KCNK1: variants seen among roughly 807,000 people sequenced by gnomAD.
The protein encoded by KCNK1 is potassium two pore domain channel subfamily K member 1, also known as potassium channel subfamily K member 1.
Under a neutral mutation model 22.2 loss-of-function variants are expected in KCNK1, and 10 were observed. The ratio of observed to expected loss-of-function variants is 0.45; its 90% CI spans 0.28 to 0.76. KCNK1 has a LOEUF of 0.76. Ranked by LOEUF, KCNK1 falls within the 30% of genes least tolerant of loss-of-function variation. The pLI is 0.14. For synonymous variants in KCNK1, 200 were observed against 186.4 expected, an observed-to-expected ratio of 1.07 and a Z score of -0.60; for missense variants, 378 against 421.0, an observed-to-expected ratio of 0.90 and a Z score of 0.89.
At chr1:233,646,124 T>G (rs1658089636) in intron 1 of KCNK1, among the ~76,000 whole-genome samples, 1 of 152,154 alleles carries the variant, frequency 6.6e-6, no homozygotes, top group Non-Finnish European at 1.5e-5. Flanking sequence ...GATGCCTACG[T>G]CACATTCAAG....
At chr1:233,618,905 A>T (rs1223345862) in intron 1 of KCNK1, among the ~76,000 whole-genome samples, 3 of 152,194 alleles carry the variant, frequency 2.0e-5, no homozygotes, top group Admixed American at 2.0e-4. Context: ...AAACATAAAA[A>T]CAAAACAAAA....
At chr1:233,625,480 C>G (rs892095168) in intron 1 of KCNK1, among the ~76,000 whole-genome samples, 2 of 151,890 alleles carry the variant, frequency 1.3e-5, no homozygotes, top group African/African-American at 4.8e-5. Context: ...TTATGGCTAG[C>G]CTGGGGGAGG....
intron 1 of KCNK1, among the ~76,000 whole-genome samples, chr1:233,625,231 G>A (rs1266330165): frequency 2.0e-5 from 3 of 152,172 alleles, no homozygotes; most frequent in African/African-American, 4.8e-5. Context: ...GCCCAGCAAG[G>A]CCTGTCTGGA....
intron 1 of KCNK1, among the ~76,000 whole-genome samples, chr1:233,629,020 A>T (rs1477712681): frequency 6.6e-6 from 1 of 151,952 alleles, no homozygotes; most frequent in East Asian, 1.9e-4. Flanking sequence ...GCTAAGTAAG[A>T]CCCCCTTCTA....
At chr1:233,645,860 T>A (rs1483517887) in intron 1 of KCNK1, among the ~76,000 whole-genome samples, 3 of 152,178 alleles carry the variant, frequency 2.0e-5, no homozygotes, top group African/African-American at 7.2e-5. Flanking sequence ...ATTTAGAACA[T>A]TCTGAAAGTA....
At chr1:233,645,268 T>C (rs947377524) in intron 1 of KCNK1, among the ~76,000 whole-genome samples, 1 of 152,148 alleles carries the variant, frequency 6.6e-6, no homozygotes, top group Non-Finnish European at 1.5e-5. Context: ...ATGGGTTTAA[T>C]GGTGACTCTA....
chr1:233,665,632 G>A (rs1007293753), intron 1 of KCNK1, among the ~76,000 whole-genome samples: 13 of 146,160 alleles, frequency 8.9e-5, no homozygotes, highest in Non-Finnish European at 1.8e-4. Flanking sequence ...AGAATCCCCT[G>A]GTCGGGGCCA....
intron 1 of KCNK1, chr1:233,637,176 AC>A (rs1657913696): frequency 6.9e-6 from 1 of 144,802 alleles, no homozygotes; most frequent in African/African-American, 2.6e-5. Flanking sequence ...AGCCTGGGCG[AC>A]AGAGTGAGAC....
chr1:233,662,274 C>CTTCTT (rs1558119312), intron 1 of KCNK1, among the ~76,000 whole-genome samples: 2 of 94,352 alleles, frequency 2.1e-5, no homozygotes, highest in African/African-American at 7.2e-5. Flanking sequence ...TTCTTCTTCT[C>CTTCTT]CTCCTCCTCC....
At chr1:233,619,181 C>A (rs1344321659) in intron 1 of KCNK1, among the ~76,000 whole-genome samples, 1 of 151,974 alleles carries the variant, frequency 6.6e-6, no homozygotes, top group Admixed American at 6.5e-5. Context: ...CCGCACCTGG[C>A]CAATTTTTTT....
At chr1:233,666,058 A>G (rs1009330888) in intron 1 of KCNK1, among the ~76,000 whole-genome samples, 6 of 151,890 alleles carry the variant, frequency 4.0e-5, no homozygotes, top group African/African-American at 1.5e-4. Context: ...ATTCTACTCC[A>G]CCCTCTTACT....
At chr1:233,635,185 T>C (rs2102890975) in intron 1 of KCNK1, among the ~76,000 whole-genome samples, 1 of 152,352 alleles carries the variant, frequency 6.6e-6, no homozygotes, top group Admixed American at 6.5e-5. Flanking sequence ...AAAATTATCA[T>C]CTTTTTTATA....
At position 233,614,508 on chromosome 1, in the gene KCNK1, A is replaced by G; in HGVS notation, c.337A>G (p.Thr113Ala). The G allele has an allele frequency of 1.2e-6, 2 of 1,601,494 alleles. No individual in the cohort carries two copies. The highest frequency in any genetic ancestry group is 2.3e-5 in the East Asian group (1 of 44,266). ...CACCTCCGCGCTCTTCTTCGCCAGC[A>G]CCGTGCTCTCCACCACAGGTAGGGT... ...DFTSALFFAS[T>A]VLSTTGYGHT... The change falls in exon 1 of 3, where the codon ACC (threonine) becomes GCC (alanine). Residue 113 changes from threonine to alanine, a missense_variant. By Grantham distance (58) the Thr-to-Ala change is moderately conservative. Coordinates refer to ENST00000366621, the MANE Select transcript of KCNK1 (RefSeq NM_002245.4).
At chr1:233,638,520 C>T (rs1055915619) in intron 1 of KCNK1, among the ~76,000 whole-genome samples, 2 of 151,890 alleles carry the variant, frequency 1.3e-5, no homozygotes, top group African/African-American at 4.8e-5. Flanking sequence ...TGGAGCACTG[C>T]AGGGTAAACT....
At position 233,666,752 on chromosome 1, in the gene KCNK1, C is replaced by A. The variant is rs2102911328; in HGVS notation, c.513C>A (p.Arg171=). The change falls in exon 2 of 3, where the codon CGC becomes CGA. Residue 171 remains arginine (R), a synonymous_variant. Transcript: ENST00000366621. ...TRRPVLYFHI[R]WGFSKQVVAI... ...GGCCGGTCCTCTACTTCCACATCCG[C>A]TGGGGCTTCTCCAAGCAGGTGGTGG... is the stretch of plus-strand genomic sequence containing the variant. 6.2e-7 allele frequency: 1 copy of A among 1,614,206 alleles called. No homozygotes were observed. The highest frequency in any genetic ancestry group is 2.2e-5 in the East Asian group (1 of 44,860).
In KCNK1 at chr1:233,630,265, G is replaced by C. The variant is rs150285404; in HGVS notation, c.355+15739G>C. Among the ~76,000 whole-genome samples the C allele has an allele frequency of 6.3e-3, 956 of 152,226 alleles. 7 individuals carry two copies. The highest frequency in any genetic ancestry group is 0.014 in the Admixed American group (215 of 15,290). On this transcript the variant is annotated intron_variant, in intron 1 of 2. Coordinates refer to ENST00000366621, the MANE Select transcript of KCNK1 (RefSeq NM_002245.4). The stretch of plus-strand genomic sequence containing the variant: ...TGCAATCGTGTTTATACTGTTAATT[G>C]GCTTTAAATAAATTATTTTTTGTCA...
chr1:233,626,994 T>G (rs1280503027), intron 1 of KCNK1, among the ~76,000 whole-genome samples: 3 of 152,058 alleles, frequency 2.0e-5, no homozygotes, highest in Non-Finnish European at 4.4e-5. Flanking sequence ...TTTTAGGAAG[T>G]AAGTAAGTAA....
Position 233,614,341 on chromosome 1 carries a change from G to T in KCNK1, c.170G>T (p.Arg57Leu). The T allele has an allele frequency of 6.2e-7, 1 of 1,611,450 alleles. No individual in the cohort carries two copies. Among genetic ancestry groups the T allele is most frequent in the Non-Finnish European group, 8.5e-7 (1 of 1,178,948 alleles). Residue 57 changes from arginine (R) to leucine (L), a missense_variant, in exon 1 of 3, where the codon CGC becomes CTC. Physicochemically the swap from Arg to Leu is moderately radical, Grantham distance 102. Coordinates refer to ENST00000366621, the MANE Select transcript of KCNK1 (RefSeq NM_002245.4). Reference protein sequence around the residue: ...PYEDLLRQELRKLKRRFLEEH... With the variant: ...PYEDLLRQELLKLKRRFLEEH... ...GAGGACCTGCTGCGCCAGGAGCTGC[G>T]CAAGCTGAAGCGACGCTTCTTGGAG...
chr1:233,643,750 G>C (rs1252816604), intron 1 of KCNK1, among the ~76,000 whole-genome samples: 1 of 152,134 alleles, frequency 6.6e-6, no homozygotes, highest in African/African-American at 2.4e-5. Context: ...AGCATCTCCA[G>C]ACAGGGCAGC....
Sources: allele counts gnomAD v4.1 joint callset (sites outside exome capture counted in the v4.1 genomes callset), GRCh38; gene constraint gnomAD v4.1.1; transcripts MANE v1.5; gene names NCBI Gene and HGNC (gene_info 2026-07-23, HGNC 2026-07-21).